Variants in JAG1 observed in about 807,000 individuals in gnomAD.
JAG1 encodes jagged canonical Notch ligand 1.
JAG1 carries 23 observed loss-of-function variants against 148.7 expected under a neutral mutation model. The ratio of observed to expected loss-of-function variants is 0.15; its 90% CI spans 0.11 to 0.22. The LOEUF is 0.22. Among genes scored for constraint, JAG1 ranks in the 10% least tolerant of loss-of-function variants. The probability of loss-of-function intolerance (pLI) is 1.00; values close to 1 mark genes in which losing one functional copy is unlikely to be tolerated. For missense variants in JAG1, 1,054 were observed against 1,611.2 expected (o/e 0.65, Z 5.92); for synonymous variants, 572 against 598.3 (o/e 0.96, Z 0.64).
At position 10,645,982 on chromosome 20, in the gene JAG1, T is replaced by C; in HGVS notation, c.1988A>G (p.Tyr663Cys). The change falls in exon 15 of 26, where the codon TAC becomes TGC. Residue 663 changes from tyrosine (Y) to cysteine (C), a missense_variant. Physicochemically the swap from Tyr to Cys is radical, Grantham distance 194. This residue lies in a region of JAG1 where 35 missense variants were observed against 99.7 expected (regional missense o/e 0.35). Coordinates refer to ENST00000254958, the MANE Select transcript of JAG1 (RefSeq NM_000214.3). This position sits in a 1 kb window ranked among gnomAD's most constrained non-coding sequence, Gnocchi z 6.1. ...CICSDGWEGAYCETNINDCSQ... is the reference protein window; with the variant it reads ...CICSDGWEGACCETNINDCSQ... ...AGTGGCAGACTCACTGGTTTCACAG[T>C]AGGCCCCCTCCCAGCCGTCACTACA... 1 of 1,610,154 alleles carries C rather than the reference T, an allele frequency of 6.2e-7. No homozygotes were observed. The highest frequency in any genetic ancestry group is 8.5e-7 in the Non-Finnish European group (1 of 1,176,564).
At chr20:10,661,680 C>G (rs1208275797) in intron 3 of JAG1, among the ~76,000 whole-genome samples, 1 of 152,104 alleles carries the variant, frequency 6.6e-6, no homozygotes, top group Non-Finnish European at 1.5e-5. Flanking sequence ...ATAAGGGTGA[C>G]AAGCAAATGT....
At chr20:10,660,789 T>C (rs1444985147) in intron 3 of JAG1, among the ~76,000 whole-genome samples, 1 of 152,214 alleles carries the variant, frequency 6.6e-6, no homozygotes, top group Non-Finnish European at 1.5e-5. Flanking sequence ...GAAAGGAATC[T>C]GTGGCAGTTC....
Position 10,647,022 on chromosome 20 carries a change from G to A in JAG1, c.1802C>T (p.Pro601Leu), listed in dbSNP as rs773166088. 1 of 1,614,200 alleles carries A rather than the reference G, an allele frequency of 6.2e-7. No homozygotes were observed. Among genetic ancestry groups the A allele is most frequent in the Non-Finnish European group, 8.5e-7 (1 of 1,180,014 alleles). ...VRYISSNVCG[P>L]HGKCKSQSGG... Reference sequence around the variant, plus strand: ...CGACTGACTCTTGCACTTCCCGTGAGGACCACAGACGTTGGAGGAAATATA... The same window carrying A: ...CGACTGACTCTTGCACTTCCCGTGAAGACCACAGACGTTGGAGGAAATATA... The change falls in exon 14 of 26, where the codon CCT (proline) becomes CTT (leucine). Residue 601 changes from proline (P) to leucine (L), a missense_variant. By Grantham distance (98) the Pro-to-Leu change is moderately conservative (BLOSUM62 -3). This residue lies in a region of JAG1 where 245 missense variants were observed against 373.1 expected (regional missense o/e 0.66). Transcript: ENST00000254958.
chr20:10,648,490 G>A (rs914407675), intron 12 of JAG1, 59 bp downstream of exon 12: 22 of 1,379,770 alleles, frequency 1.6e-5, no homozygotes, highest in Admixed American at 6.7e-5. Context: ...AAAGGGAAGC[G>A]GAGGAGGCAG....
intron 10 of JAG1, 65 bp from the exon 11 acceptor site, chr20:10,649,172 A>C (rs2067329562): frequency 9.4e-7 from 1 of 1,058,520 alleles, no homozygotes; most frequent in South Asian, 1.3e-5. Flanking sequence ...TTAATTGAAA[A>C]GCCTTCTCAG....
At chr20:10,648,473 G>A in intron 12 of JAG1, 76 bp downstream of exon 12, 1 of 1,237,954 alleles carries the variant, frequency 8.1e-7, no homozygotes. Context: ...AGAGCTGAGG[G>A]AAAAGTAAAG....
chr20:10,657,931 G>A (rs2067389142), intron 4 of JAG1, among the ~76,000 whole-genome samples: 2 of 152,208 alleles, frequency 1.3e-5, no homozygotes, highest in South Asian at 4.1e-4. Flanking sequence ...ACCTAGTCCT[G>A]TCTGGATCTA....
chr20:10,645,082 A>AC lies in JAG1; in HGVS notation c.2227+60dup. 1 of 1,517,802 alleles carries AC rather than the reference A, an allele frequency of 6.6e-7. No individual in the cohort carries two copies. Among genetic ancestry groups the AC allele is most frequent in the Middle Eastern group, 1.7e-4 (1 of 5,888 alleles). 94.0% of individuals were successfully genotyped at this position (1,517,802 alleles called of 1,614,324 possible). On this transcript the variant is annotated intron_variant, in intron 17 of 25. Coordinates refer to ENST00000254958, the MANE Select transcript of JAG1 (RefSeq NM_000214.3). The surrounding 1 kb of genome is among the most constrained non-coding windows in gnomAD (Gnocchi z 6.1). ...GAAATATCATAAGCTCCAGGGGCCAACCAGCAGACACGCCCAGGTGGCCAT... is the reference window on the plus strand; with the variant it reads ...GAAATATCATAAGCTCCAGGGGCCAACCCAGCAGACACGCCCAGGTGGCCAT...
intron 4 of JAG1, 51 bp downstream of exon 4, chr20:10,658,417 T>A (rs766513273): frequency 1.2e-6 from 2 of 1,608,612 alleles, no homozygotes; most frequent in Non-Finnish European, 1.7e-6. Context: ...GGGTGATAAA[T>A]GGACACTAAA....
intron 3 of JAG1, 150 bp from the exon 4 acceptor site, chr20:10,658,872 C>T (rs977714229): frequency 6.3e-5 from 48 of 758,196 alleles, no homozygotes; most frequent in Middle Eastern, 7.6e-4. Flanking sequence ...ATGCCCCTAC[C>T]CAGAGACAAC....
In JAG1 at chr20:10,650,268, T is replaced by G; in HGVS notation, c.1213A>C (p.Thr405Pro). The G allele has an allele frequency of 6.2e-7, 1 of 1,613,388 alleles. No individual in the cohort carries two copies. ...TTACCTAACTGGCACGTTTTCCCAG[T>G]CCACTGTGGGGGGCACACACACTTA... ...GFKCVCPPQW[T>P]GKTCQLDANE... The change falls in exon 9 of 26, where the codon ACT (threonine) becomes CCT (proline). Residue 405 changes from threonine (T) to proline (P), a missense_variant. Physicochemically the swap from Thr to Pro is conservative, Grantham distance 38 (BLOSUM62 -1). Transcript: ENST00000254958.
At chr20:10,656,340 T>G (rs1205032970) in intron 5 of JAG1, 58 bp downstream of exon 5, 2 of 1,380,836 alleles carry the variant, frequency 1.4e-6, no homozygotes, top group Non-Finnish European at 2.1e-6. Flanking sequence ...ATAAAGTCAG[T>G]TCCTCTCTTA....
chr20:10,648,055 T>A lies in JAG1; in HGVS notation c.1625A>T (p.Asn542Ile), dbSNP rs1221893646. 6.2e-7 allele frequency: 1 copy of A among 1,614,142 alleles called. No homozygotes were observed. The highest frequency in any genetic ancestry group is 1.1e-5 in the South Asian group (1 of 91,078). The change falls in exon 13 of 26, where the codon AAC becomes ATC. Residue 542 changes from asparagine to isoleucine, a missense_variant. By Grantham distance (149) the Asn-to-Ile change is moderately radical. Around this residue, in one of 6 missense-constraint regions of JAG1, gnomAD observed 245 missense variants for 373.1 expected, o/e 0.66. Transcript: ENST00000254958. ...NPCQNGAQCYNRASDYFCKCP... is the reference protein window; with the variant it reads ...NPCQNGAQCYIRASDYFCKCP... ...CTTGCAGAAATAGTCACTGGCACGG[T>A]TGTAGCACTGGGCACCGTTCTGGCA...
rs200498563 is a variant in JAG1, at chr20:10,649,601, G to A, written c.1269C>T (p.Asn423=). The change falls in exon 10 of 26, where the codon AAC becomes AAT. Residue 423 remains asparagine, a synonymous_variant. Coordinates refer to ENST00000254958, the MANE Select transcript of JAG1 (RefSeq NM_000214.3). ...ANECEAKPCV[N]AKSCKNLIAS... ...CAATGAGATTCTTACAGGATTTGGC[G>A]TTTACACAAGGTTTGGCCTCACATT... 2.4e-5 allele frequency: 38 copies of A among 1,613,636 alleles called. No individual in the cohort carries two copies. Among genetic ancestry groups the A allele is most frequent in the Non-Finnish European group, 3.1e-5 (37 of 1,179,556 alleles).
At chr20:10,658,376 G>A (rs1255975872) in intron 4 of JAG1, 92 bp downstream of exon 4, 1 of 1,546,810 alleles carries the variant, frequency 6.5e-7, no homozygotes, top group African/African-American at 1.4e-5. Context: ...CACCCCACCT[G>A]AGATAGCCGC....
At chr20:10,672,632 G>A in intron 2 of JAG1, 69 bp downstream of exon 2, 5 of 1,492,138 alleles carry the variant, frequency 3.4e-6, no homozygotes, top group Non-Finnish European at 4.6e-6. Context: ...CCTCTCGCAA[G>A]GGATAACAGG....
chr20:10,647,541 AAAATG>A (rs1435720538), intron 13 of JAG1, among the ~76,000 whole-genome samples: 1 of 152,254 alleles, frequency 6.6e-6, no homozygotes, highest in Non-Finnish European at 1.5e-5. Flanking sequence ...TAAATGAACT[AAAATG>A]AAATAAAATC....
Position 10,660,806 on chromosome 20 carries a change from C to T in JAG1, c.440-2084G>A, listed in dbSNP as rs150506796. 4.1e-3 allele frequency among the ~76,000 whole-genome samples: 627 copies of T among 152,318 alleles called. 16 individuals are homozygous for T. The highest frequency in any genetic ancestry group is 0.027 in the Admixed American group (417 of 15,304). ...AAGGAATCTGTGGCAGTTCGTTTGGCAGTCCAGCCTTGTGACTGGAAAAGG... is the reference window on the plus strand; with the variant it reads ...AAGGAATCTGTGGCAGTTCGTTTGGTAGTCCAGCCTTGTGACTGGAAAAGG... On this transcript the variant is annotated intron_variant, in intron 3 of 25. Coordinates refer to ENST00000254958, the MANE Select transcript of JAG1 (RefSeq NM_000214.3).
chr20:10,644,255 AAC>A, intron 19 of JAG1, 100 bp downstream of exon 19: 1 of 1,092,864 alleles, frequency 9.2e-7, no homozygotes, highest in Admixed American at 1.9e-5. Context: ...TTGCATTTTA[AAC>A]ACAATCCCTG....
Sources: gnomAD v4.1 joint callset for allele counts (sites outside exome capture counted in the v4.1 genomes callset) on GRCh38, gnomAD v4.1.1 for gene constraint, gnomAD v4.1.1 regional missense constraint, Gnocchi (gnomAD v3.1) non-coding constraint, MANE v1.5 for transcripts, NCBI Gene and HGNC (gene_info 2026-07-23, HGNC 2026-07-21) for gene names.